VPS4A: variants seen among roughly 807,000 people sequenced by gnomAD.
The protein encoded by VPS4A is vacuolar protein sorting-associated protein 4A.
In VPS4A, 20 loss-of-function variants were observed where a neutral mutation model predicts 52.3. That is an observed-to-expected ratio of 0.38 (90% CI 0.27 to 0.56). The LOEUF (loss-of-function observed/expected upper bound fraction) is 0.56. Among genes scored for constraint, VPS4A ranks in the 20% least tolerant of loss-of-function variants. The probability of loss-of-function intolerance (pLI) is 0.72; values close to 1 mark genes in which losing one functional copy is unlikely to be tolerated. For synonymous variants in VPS4A, 293 were observed against 227.7 expected, an observed-to-expected ratio of 1.29 and a Z score of -2.58; for missense variants, 419 against 575.9, an observed-to-expected ratio of 0.73 and a Z score of 2.79.
In VPS4A at chr16:69,320,196, A is replaced by G. The variant is rs1567423979; in HGVS notation, c.676A>G (p.Ile226Val). ...GCAGCACAAGCCCTCCATCATCTTC[A>G]TCGATGAGGTGGATTCCCTCTGCGG... ...ARQHKPSIIF[I>V]DEVDSLCGSR... The change falls in exon 7 of 11, where the codon ATC (isoleucine) becomes GTC (valine). Residue 226 changes from isoleucine (I) to valine (V), a missense_variant. Ile to Val is a conservative substitution (Grantham distance 29). This residue lies in a region of VPS4A where 103 missense variants were observed against 210.3 expected (regional missense o/e 0.49). Transcript: ENST00000254950. The surrounding 1 kb of genome is among the most constrained non-coding windows in gnomAD (Gnocchi z 4.2). 1.2e-6 allele frequency: 2 copies of G among 1,613,886 alleles called. No homozygotes were observed. The highest frequency in any genetic ancestry group is 8.5e-7 in the Non-Finnish European group (1 of 1,179,844).
chr16:69,322,404 G>A (rs530473169), intron 9 of VPS4A, 156 bp from the exon 10 acceptor site: 67 of 697,330 alleles, frequency 9.6e-5, no homozygotes, highest in Non-Finnish European at 1.4e-4. Context: ...ATCATGAGTC[G>A]CTCGGACCAC....
At position 69,318,748 on chromosome 16, in the gene VPS4A, TGA is replaced by T. The variant is rs1461970517; in HGVS notation, c.343+41_343+42del. 6 of 1,613,082 alleles carry T rather than the reference TGA, an allele frequency of 3.7e-6. No individual in the cohort carries two copies. The South Asian group carries it at 5.5e-5, about 15-fold the overall frequency. On this transcript the variant is annotated intron_variant, in intron 4 of 10. Transcript: ENST00000254950. ...GCGGCCCTGTGGCAGCGGCAGGGGA[TGA>T]GAGTGGGTCCGCTGCTGGGTTGGCT...
rs779151533 is a variant in VPS4A at position 69,321,016 on chromosome 16, C to T, written c.852-35C>T. The T allele has an allele frequency of 1.5e-5, 23 of 1,541,166 alleles. No individual in the cohort carries two copies. The highest frequency in any genetic ancestry group is 3.9e-5 in the Admixed American group (2 of 51,486). ...CTTCCGTGAATACCATTCCATCATC[C>T]GCTGTCAACTCCTGCCGTGTGCTGG... On this transcript the variant is annotated intron_variant, in intron 8 of 10. Transcript: ENST00000254950. This position sits in a 1 kb window ranked among gnomAD's most constrained non-coding sequence, Gnocchi z 4.5.
At chr16:69,313,321 T>C (rs978182566) in intron 1 of VPS4A, among the ~76,000 whole-genome samples, 4 of 152,306 alleles carry the variant, frequency 2.6e-5, no homozygotes, top group East Asian at 1.9e-4. Flanking sequence ...TCAGTGCTTT[T>C]AGTATATTCA....
Position 69,320,980 on chromosome 16 carries a change from T to G in VPS4A, c.852-71T>G. 6.8e-7 allele frequency: 1 copy of G among 1,463,368 alleles called. No individual in the cohort carries two copies. Among genetic ancestry groups the G allele is most frequent in the Non-Finnish European group, 9.3e-7 (1 of 1,069,734 alleles). The allele number at this position is 1,463,368 out of a possible 1,614,324, so 90.6% of individuals were successfully genotyped here. A position where few individuals can be genotyped will look rare whatever the true frequency, so the allele number is the denominator to read the frequency against. ...AAATGCGTCCGTTTCACTCAAATCT[T>G]CGTGCCTCCCCTTCCGTGAATACCA... On this transcript the variant is annotated intron_variant, in intron 8 of 10. Coordinates refer to ENST00000254950, the MANE Select transcript of VPS4A (RefSeq NM_013245.3). The surrounding 1 kb of genome is among the most constrained non-coding windows in gnomAD (Gnocchi z 4.2).
At chr16:69,319,282 T>C in intron 5 of VPS4A, 105 bp from the exon 6 acceptor site, 1 of 1,498,328 alleles carries the variant, frequency 6.7e-7, no homozygotes, top group Non-Finnish European at 9.0e-7. Context: ...GTCCGTTGTT[T>C]CACAGAATGC....
In VPS4A at chr16:69,322,593, A is replaced by G. The variant is rs1965527627; in HGVS notation, c.1105A>G (p.Met369Val). The change falls in exon 10 of 11, where the codon ATG (methionine) becomes GTG (valine). Residue 369 changes from methionine to valine, a missense_variant. Around this residue, in one of 3 missense-constraint regions of VPS4A, gnomAD observed 185 missense variants for 200.2 expected, o/e 0.92. Transcript: ENST00000254950. Reference sequence around the variant, plus strand: ...CCCCTCTCGCACCAACCCCAGCATGATGATTGATGACCTCCTGACTCCATG... The same window carrying G: ...CCCCTCTCGCACCAACCCCAGCATGGTGATTGATGACCTCCTGACTCCATG... ...CGPSRTNPSMMIDDLLTPCSP... is the reference protein window; with the variant it reads ...CGPSRTNPSMVIDDLLTPCSP... The G allele has an allele frequency of 1.2e-6, 2 of 1,613,616 alleles. No individual in the cohort carries two copies. The highest frequency in any genetic ancestry group is 1.7e-6 in the Non-Finnish European group (2 of 1,179,794).
intron 5 of VPS4A, among the ~76,000 whole-genome samples, 163 bp downstream of exon 5, chr16:69,319,105 A>G (rs1470187111): frequency 6.6e-6 from 1 of 152,110 alleles, no homozygotes; most frequent in South Asian, 2.1e-4. Flanking sequence ...GGCTGGAGCT[A>G]TGAGATGACG....
At position 69,316,551 on chromosome 16, in the gene VPS4A, T is replaced by C. The variant is rs556379821; in HGVS notation, c.281+179T>C. Among the ~76,000 whole-genome samples, 9 of 152,248 alleles carry C rather than the reference T, an allele frequency of 5.9e-5. No individual in the cohort carries two copies. The East Asian group carries it at 1.2e-3, about 20-fold the overall frequency. The stretch of plus-strand genomic sequence containing the variant: ...GAGCACTTCCATGTTCACCGTCTCA[T>C]TGGATCTGACCCACAAGCCATGGGG... On this transcript the variant is annotated intron_variant, in intron 3 of 10. Transcript: ENST00000254950.
chr16:69,322,892 A>C (rs1039931836), intron 10 of VPS4A, 192 bp downstream of exon 10: 1 of 499,716 alleles, frequency 2.0e-6, no homozygotes, highest in Admixed American at 3.9e-5. Context: ...ATATGGAGAA[A>C]CCCTGTCTCT....
chr16:69,319,121 G>A (rs368185645), intron 5 of VPS4A, among the ~76,000 whole-genome samples, 179 bp downstream of exon 5: 45 of 152,266 alleles, frequency 3.0e-4, no homozygotes, highest in African/African-American at 9.9e-4. Flanking sequence ...TGACGATCAC[G>A]TCACAGGGTG....
rs1019486614 is a variant in VPS4A, at chr16:69,321,539, A to T, written c.1071+269A>T. On this transcript the variant is annotated intron_variant, in intron 9 of 10. Coordinates refer to ENST00000254950, the MANE Select transcript of VPS4A (RefSeq NM_013245.3). The surrounding 1 kb of genome is among the most constrained non-coding windows in gnomAD (Gnocchi z 4.5). The stretch of plus-strand genomic sequence containing the variant: ...CCCTGCTGCGGCCTCCTCCGTCAGC[A>T]CTGTGTGCTCTTGTGCGGGGTGGAC... 4.0e-6 allele frequency: 2 copies of T among 504,594 alleles called. No homozygotes were observed. Among genetic ancestry groups the T allele is most frequent in the East Asian group, 3.5e-5 (1 of 28,292 alleles). The allele number at this position is 504,594 out of a possible 1,614,324, so 31.3% of individuals were successfully genotyped here.
At chr16:69,323,661 G>A (rs1355269076) in intron 10 of VPS4A, 17 of 455,878 alleles carry the variant, frequency 3.7e-5, no homozygotes, top group Non-Finnish European at 7.1e-5. Flanking sequence ...CAGCTAAGAA[G>A]GCTCCTGGCC....
At chr16:69,319,322 A>T in intron 5 of VPS4A, 65 bp from the exon 6 acceptor site, 1 of 1,592,918 alleles carries the variant, frequency 6.3e-7, no homozygotes, top group East Asian at 2.2e-5. Flanking sequence ...GGGACTCGAG[A>T]CCCTCTGCTT....
chr16:69,319,097 C>G (rs1255162221), intron 5 of VPS4A, among the ~76,000 whole-genome samples, 155 bp downstream of exon 5: 3 of 152,140 alleles, frequency 2.0e-5, no homozygotes, highest in African/African-American at 7.2e-5. Context: ...ACTGCTGTGG[C>G]TGGAGCTATG....
At position 69,311,532 on chromosome 16, in the gene VPS4A, G is replaced by T; in HGVS notation, c.21G>T (p.Gln7His). The T allele has an allele frequency of 7.4e-7, 1 of 1,344,206 alleles. No homozygotes were observed. Among genetic ancestry groups the T allele is most frequent in the South Asian group, 2.1e-5 (1 of 47,856 alleles). 83.3% of individuals were successfully genotyped at this position (1,344,206 alleles called of 1,614,324 possible). A position where few individuals can be genotyped will look rare whatever the true frequency, so the allele number is the denominator to read the frequency against. Residue 7 changes from glutamine to histidine, a missense_variant and splice_region_variant, in exon 1 of 11, where the codon CAG becomes CAT. Gln to His is a conservative substitution (Grantham distance 24). Transcript: ENST00000254950. Reference sequence around the variant, plus strand: ...ATGAAATGACAACGTCAACCCTCCAGGTACTTCGTGCGGCCCGGCCCGACT... The same window carrying T: ...ATGAAATGACAACGTCAACCCTCCATGTACTTCGTGCGGCCCGGCCCGACT... MTTSTLQKAIDLVTKAT... is the reference protein window; with the variant it reads MTTSTLHKAIDLVTKAT...
chr16:69,317,160 AG>A (rs1430867871), intron 3 of VPS4A, among the ~76,000 whole-genome samples: 1 of 152,198 alleles, frequency 6.6e-6, no homozygotes, highest in Non-Finnish European at 1.5e-5. Flanking sequence ...CTGGCGAGGC[AG>A]GGGTGGAGGC....
chr16:69,317,457 A>C (rs1221121915), intron 3 of VPS4A, among the ~76,000 whole-genome samples: 3 of 152,054 alleles, frequency 2.0e-5, no homozygotes, highest in Non-Finnish European at 4.4e-5. Flanking sequence ...CAGGATTTCA[A>C]AACCAGCCTG....
At position 69,318,844 on chromosome 16, in the gene VPS4A, C is replaced by T. The variant is rs1303373176; in HGVS notation, c.365C>T (p.Pro122Leu). The T allele has an allele frequency of 1.2e-6, 2 of 1,613,414 alleles. No individual in the cohort carries two copies. The highest frequency in any genetic ancestry group is 1.7e-6 in the Non-Finnish European group (2 of 1,179,720). ...QLMGAVVMEK[P>L]NIRWNDVAGL... ...GCAGGTGCCGTCGTGATGGAGAAGC[C>T]CAACATACGGTGGAACGACGTGGCC... The change falls in exon 5 of 11, where the codon CCC becomes CTC. Residue 122 changes from proline (P) to leucine (L), a missense_variant. Physicochemically the swap from Pro to Leu is moderately conservative, Grantham distance 98. This residue lies in a region of VPS4A where 131 missense variants were observed against 165.4 expected (regional missense o/e 0.79). Transcript: ENST00000254950.
Sources: allele counts gnomAD v4.1 joint callset (sites outside exome capture counted in the v4.1 genomes callset), GRCh38; gene constraint gnomAD v4.1.1; regional missense constraint gnomAD v4.1.1; non-coding constraint Gnocchi (gnomAD v3.1); transcripts MANE v1.5; gene names NCBI Gene and HGNC (gene_info 2026-07-23, HGNC 2026-07-21).